CDC42SE2: variants seen among roughly 807,000 people sequenced by gnomAD.
CDC42SE2 encodes the protein CDC42 small effector 2.
CDC42SE2 carries 3 observed loss-of-function variants against 11.5 expected under a neutral mutation model. The ratio of observed to expected loss-of-function variants is 0.26; its 90% CI spans 0.12 to 0.67. CDC42SE2 has a LOEUF of 0.67. Among genes scored for constraint, CDC42SE2 ranks in the 30% least tolerant of loss-of-function variants. The pLI is 0.80. For synonymous variants in CDC42SE2, 33 were observed against 34.8 expected, an observed-to-expected ratio of 0.95 and a Z score of 0.18; for missense variants, 82 against 106.8, an observed-to-expected ratio of 0.77 and a Z score of 1.02.
chr5:131,260,721 G>C (rs541034061), upstream of CDC42SE2, among the ~76,000 whole-genome samples: 1 of 151,902 alleles, frequency 6.6e-6, no homozygotes, highest in East Asian at 1.9e-4. Flanking sequence ...ATCCCCTGAG[G>C]TCAGGAGTTC....
intron 1 of CDC42SE2, among the ~76,000 whole-genome samples, chr5:131,305,003 C>T (rs1757752418): frequency 6.6e-6 from 1 of 152,064 alleles, no homozygotes; most frequent in African/African-American, 2.4e-5. Flanking sequence ...TCTTCTCAGC[C>T]CTTTGTAGGC....
intron 1 of CDC42SE2, among the ~76,000 whole-genome samples, chr5:131,251,508 C>T (rs1019503553): frequency 6.6e-6 from 1 of 152,010 alleles, no homozygotes. Flanking sequence ...TTTATCTTTG[C>T]ATTTAACATG....
At chr5:131,343,667 C>T (rs1431360448) in intron 2 of CDC42SE2, among the ~76,000 whole-genome samples, 12 of 150,198 alleles carry the variant, frequency 8.0e-5, no homozygotes, top group Admixed American at 3.3e-4. Context: ...GAGCTGAGAT[C>T]GCACCATTGC....
intron 3 of CDC42SE2, among the ~76,000 whole-genome samples, chr5:131,383,834 T>TTATAA (rs1384049600): frequency 6.6e-6 from 1 of 152,172 alleles, no homozygotes; most frequent in Non-Finnish European, 1.5e-5. Flanking sequence ...GCCTGCAAGG[T>TTATAA]TATAATATTT....
intron 2 of CDC42SE2, among the ~76,000 whole-genome samples, chr5:131,336,078 A>G (rs1351933282): frequency 2.6e-5 from 4 of 152,010 alleles, no homozygotes; most frequent in East Asian, 1.9e-4. Context: ...GATCTTTACA[A>G]TTTGGCATGT....
chr5:131,362,430 A>G (rs952530817), intron 3 of CDC42SE2, among the ~76,000 whole-genome samples: 1 of 152,196 alleles, frequency 6.6e-6, no homozygotes, highest in African/African-American at 2.4e-5. Flanking sequence ...TTGTTTCTTT[A>G]CATTATACAA....
intron 2 of CDC42SE2, among the ~76,000 whole-genome samples, chr5:131,338,207 G>T (rs1758623272): frequency 6.6e-6 from 1 of 152,140 alleles, no homozygotes; most frequent in South Asian, 2.1e-4. Context: ...TTTTGTACTG[G>T]CCAGTAGGCA....
intron 3 of CDC42SE2, among the ~76,000 whole-genome samples, chr5:131,366,389 G>A (rs1273439358): frequency 1.3e-5 from 2 of 152,158 alleles, no homozygotes; most frequent in African/African-American, 4.8e-5. Context: ...AGCATTCGGC[G>A]TGAGTTCAAG....
At chr5:131,335,580 C>T (rs538735542) in intron 2 of CDC42SE2, among the ~76,000 whole-genome samples, 26 of 152,202 alleles carry the variant, frequency 1.7e-4, no homozygotes, top group Non-Finnish European at 2.9e-4. Context: ...TAAAGTCTCC[C>T]GTTATTATCG....
intron 1 of CDC42SE2, among the ~76,000 whole-genome samples, chr5:131,307,007 A>G (rs577898895): frequency 6.6e-6 from 1 of 151,996 alleles, no homozygotes; most frequent in African/African-American, 2.4e-5. Flanking sequence ...AGGGTTTTCT[A>G]CACATAAGAT....
At chr5:131,339,820 A>ATT (rs1758668180) in intron 2 of CDC42SE2, among the ~76,000 whole-genome samples, 1 of 150,398 alleles carries the variant, frequency 6.6e-6, no homozygotes, top group Non-Finnish European at 1.5e-5. Flanking sequence ...AAAAAAAAAA[A>ATT]AAAGAGAGAG....
intron 2 of CDC42SE2, among the ~76,000 whole-genome samples, chr5:131,333,062 T>C (rs2149743223): frequency 6.6e-6 from 1 of 152,328 alleles, no homozygotes. Flanking sequence ...ACCTGAATGG[T>C]ATTGCCTAGG....
At chr5:131,335,363 T>C (rs994035780) in intron 2 of CDC42SE2, among the ~76,000 whole-genome samples, 5 of 151,826 alleles carry the variant, frequency 3.3e-5, no homozygotes, top group Admixed American at 6.5e-5. Context: ...CTTTTCCATT[T>C]GCTGAGGAGT....
the CDC42SE2 span, among the ~76,000 whole-genome samples, chr5:131,234,573 T>C: frequency 6.6e-6 from 1 of 150,868 alleles, no homozygotes; most frequent in Non-Finnish European, 1.5e-5. Context: ...GCGGCAGAGG[T>C]TGCAGTGTGC....
At chr5:131,385,476 T>C in intron 3 of CDC42SE2, 67 bp from the exon 4 acceptor site, 1 of 1,146,280 alleles carries the variant, frequency 8.7e-7, no homozygotes, top group Non-Finnish European at 1.3e-6. Flanking sequence ...AGTCATAGTA[T>C]AAAAATCCAT....
At chr5:131,240,924 G>A (rs892176155), upstream of CDC42SE2, among the ~76,000 whole-genome samples, 5 of 152,126 alleles carry the variant, frequency 3.3e-5, no homozygotes, top group African/African-American at 1.2e-4. Context: ...TTAGTTTCCT[G>A]AATTTCCTTC....
chr5:131,383,451 AGAAAT>A (rs1750384013), intron 3 of CDC42SE2, among the ~76,000 whole-genome samples: 1 of 152,194 alleles, frequency 6.6e-6, no homozygotes, highest in African/African-American at 2.4e-5. Context: ...GTTCAAATAA[AGAAAT>A]GAGAGTTCTT....
the CDC42SE2 span, among the ~76,000 whole-genome samples, chr5:131,226,346 A>C: frequency 2.0e-5 from 3 of 152,220 alleles, no homozygotes; most frequent in Non-Finnish European, 4.4e-5. Flanking sequence ...GTCTGCCTTT[A>C]ATTACACAAT....
chr5:131,290,789 T>A (rs1375303369), intron 1 of CDC42SE2, among the ~76,000 whole-genome samples: 1 of 152,094 alleles, frequency 6.6e-6, no homozygotes, highest in Non-Finnish European at 1.5e-5. Context: ...CATAACTGAC[T>A]TTTATGATGA....
Sources: gnomAD v4.1 joint callset for allele counts (sites outside exome capture counted in the v4.1 genomes callset) on GRCh38, gnomAD v4.1.1 for gene constraint, MANE v1.5 for transcripts, NCBI Gene and HGNC (gene_info 2026-07-23, HGNC 2026-07-21) for gene names.